NLGN1: variants seen among roughly 807,000 people sequenced by gnomAD.
NLGN1 encodes neuroligin 1.
NLGN1 carries 12 observed loss-of-function variants against 65.5 expected under a neutral mutation model. That is an observed-to-expected ratio of 0.18 (90% CI 0.12 to 0.30). The LOEUF is 0.30. Ranked by LOEUF, NLGN1 falls within the 10% of genes least tolerant of loss-of-function variation. The probability of loss-of-function intolerance (pLI) is 1.00; values close to 1 mark genes in which losing one functional copy is unlikely to be tolerated. For missense variants in NLGN1, 750 were observed against 1,007.1 expected (o/e 0.74, Z 3.46); for synonymous variants, 350 against 359.5 (o/e 0.97, Z 0.30).
intron 4 of NLGN1, among the ~76,000 whole-genome samples, chr3:174,106,345 A>AT (rs1441359731): frequency 2.0e-5 from 3 of 152,058 alleles, no homozygotes; most frequent in African/African-American, 7.2e-5. Context: ...CTAAATCTAG[A>AT]TTTTTTAATC....
intron 2 of NLGN1, among the ~76,000 whole-genome samples, chr3:173,567,569 T>G (rs9881193): frequency 0.097 from 14,702 of 151,600 alleles, 1,262 homozygotes; most frequent in African/African-American, 0.24. Flanking sequence ...TTTGAATACT[T>G]TCTTCACTTA....
At chr3:174,076,608 G>A (rs1337107484) in intron 4 of NLGN1, among the ~76,000 whole-genome samples, 1 of 150,870 alleles carries the variant, frequency 6.6e-6, no homozygotes, top group Non-Finnish European at 1.5e-5. Flanking sequence ...CAATTAAATT[G>A]TCATATTTTC....
chr3:174,290,434 A>C (rs1752640589), downstream of NLGN1, among the ~76,000 whole-genome samples: 1 of 151,102 alleles, frequency 6.6e-6, no homozygotes, highest in African/African-American at 2.4e-5. Context: ...AATCCCAGAC[A>C]AATTAAAAAT....
At chr3:174,050,110 T>A (rs1310116142) in intron 4 of NLGN1, among the ~76,000 whole-genome samples, 1 of 152,160 alleles carries the variant, frequency 6.6e-6, no homozygotes, top group African/African-American at 2.4e-5. Flanking sequence ...TATGTAGATG[T>A]ACATTCTGAA....
intron 3 of NLGN1, among the ~76,000 whole-genome samples, chr3:173,672,526 T>G (rs2149741499): frequency 6.6e-6 from 1 of 152,318 alleles, no homozygotes; most frequent in South Asian, 2.1e-4. Context: ...ATTGGTCCTC[T>G]GAGAGCTTTT....
chr3:174,152,438 T>C (rs1037852645), intron 4 of NLGN1, among the ~76,000 whole-genome samples: 2 of 151,966 alleles, frequency 1.3e-5, no homozygotes, highest in African/African-American at 4.8e-5. Flanking sequence ...TAGGTGGGAA[T>C]TGAACAATGA....
chr3:173,474,300 A>G (rs1261079901), intron 2 of NLGN1, among the ~76,000 whole-genome samples: 2 of 152,216 alleles, frequency 1.3e-5, no homozygotes, highest in African/African-American at 4.8e-5. Context: ...CTTAGAACTG[A>G]GAACAAAGAA....
chr3:173,938,494 G>A (rs1296513001), intron 4 of NLGN1, among the ~76,000 whole-genome samples: 2 of 152,120 alleles, frequency 1.3e-5, no homozygotes, highest in African/African-American at 2.4e-5. Flanking sequence ...ATGTATATTT[G>A]TTGTATTAAA....
At chr3:173,876,707 C>T (rs1417375751) in intron 4 of NLGN1, among the ~76,000 whole-genome samples, 1 of 151,882 alleles carries the variant, frequency 6.6e-6, no homozygotes. Flanking sequence ...GAAAGAGCTC[C>T]CAGTGGCCAA....
At chr3:173,461,725 A>G (rs901222571) in intron 2 of NLGN1, among the ~76,000 whole-genome samples, 2 of 152,148 alleles carry the variant, frequency 1.3e-5, no homozygotes, top group African/African-American at 4.8e-5. Context: ...ATCTCTCTAT[A>G]TGATGTAACC....
chr3:174,144,471 G>C (rs1179386103), intron 4 of NLGN1, among the ~76,000 whole-genome samples: 1 of 152,122 alleles, frequency 6.6e-6, no homozygotes, highest in Non-Finnish European at 1.5e-5. Flanking sequence ...TCTGGTTCTA[G>C]ATCCTTGAGG....
intron 2 of NLGN1, among the ~76,000 whole-genome samples, chr3:173,560,029 C>T (rs913732223): frequency 4.0e-5 from 6 of 151,240 alleles, no homozygotes; most frequent in Admixed American, 1.3e-4. Flanking sequence ...CTGCCAGCTC[C>T]GCCTTCCGGG....
chr3:174,197,200 A>G (rs1733586384), intron 4 of NLGN1, among the ~76,000 whole-genome samples: 1 of 152,180 alleles, frequency 6.6e-6, no homozygotes, highest in Admixed American at 6.5e-5. Flanking sequence ...AAATTTCAAC[A>G]ATGTAGTGTA....
At chr3:173,989,854 C>T (rs539227171) in intron 4 of NLGN1, among the ~76,000 whole-genome samples, 90 of 152,178 alleles carry the variant, frequency 5.9e-4, no homozygotes, top group African/African-American at 2.1e-3. Flanking sequence ...AGGGAAGGGG[C>T]CAAAAGCCTC....
chr3:173,588,395 A>G (rs1747867733), intron 2 of NLGN1, among the ~76,000 whole-genome samples: 1 of 152,180 alleles, frequency 6.6e-6, no homozygotes, highest in South Asian at 2.1e-4. Flanking sequence ...TTGGTATAAA[A>G]TGATCTGAAT....
intron 2 of NLGN1, among the ~76,000 whole-genome samples, chr3:173,470,156 A>G (rs1175608414): frequency 1.3e-5 from 2 of 152,056 alleles, no homozygotes; most frequent in Non-Finnish European, 1.5e-5. Context: ...AATATGCTCA[A>G]AACCCAATGG....
At chr3:173,648,096 C>T (rs1039666221) in intron 3 of NLGN1, among the ~76,000 whole-genome samples, 1 of 151,240 alleles carries the variant, frequency 6.6e-6, no homozygotes, top group Admixed American at 6.6e-5. Context: ...ATTTTTAAAA[C>T]AACACTGAAA....
At chr3:174,010,469 T>A (rs557300236) in intron 4 of NLGN1, among the ~76,000 whole-genome samples, 1 of 152,286 alleles carries the variant, frequency 6.6e-6, no homozygotes, top group East Asian at 1.9e-4. Context: ...CATAAAACTC[T>A]TTCCAGTTGA....
chr3:174,279,126 A>G lies in NLGN1; in HGVS notation c.1125A>G (p.Gln375=). ...ACGACCCCCAGATATTGATGGAGCA[A>G]GGAGAGTTTCTCAACTATGATATAA... Residue 375 remains glutamine (Q), a synonymous_variant, in exon 6 of 7, where the codon CAA becomes CAG. Coordinates refer to ENST00000457714, the Ensembl canonical transcript of NLGN1. The surrounding 1 kb of genome is among the most constrained non-coding windows in gnomAD (Gnocchi z 4.7). 6.2e-7 allele frequency: 1 copy of G among 1,613,450 alleles called. No individual in the cohort carries two copies. Among genetic ancestry groups the G allele is most frequent in the African/African-American group, 1.3e-5 (1 of 74,978 alleles).
Sources: gnomAD v4.1 joint callset for allele counts (sites outside exome capture counted in the v4.1 genomes callset) on GRCh38, gnomAD v4.1.1 for gene constraint, Gnocchi (gnomAD v3.1) non-coding constraint, MANE v1.5 for transcripts, NCBI Gene and HGNC (gene_info 2026-07-23, HGNC 2026-07-21) for gene names.